PPM1B: variants seen among roughly 807,000 people sequenced by gnomAD.
The protein encoded by PPM1B is protein phosphatase, Mg2+/Mn2+ dependent 1B, also known as protein phosphatase 1B.
A neutral mutation model predicts 43.0 loss-of-function variants in PPM1B; 22 were observed. The observed-to-expected ratio is 0.51, with a 90% CI of 0.37 to 0.73. The LOEUF (loss-of-function observed/expected upper bound fraction) is 0.73. PPM1B is among the 30% of genes least tolerant of loss of function. PPM1B has a pLI of 0.00. For missense variants in PPM1B, 632 were observed against 584.2 expected, an observed-to-expected ratio of 1.08 and a Z score of -0.84; for synonymous variants, 217 against 197.9, an observed-to-expected ratio of 1.10 and a Z score of -0.81.
chr2:44,170,737 A>C (rs1157231284), intron 1 of PPM1B, among the ~76,000 whole-genome samples: 5 of 152,248 alleles, frequency 3.3e-5, no homozygotes, highest in Non-Finnish European at 7.3e-5. Flanking sequence ...TCTAATTATT[A>C]TGATAGTCTT....
At chr2:44,171,541 C>A (rs1667344489) in intron 1 of PPM1B, among the ~76,000 whole-genome samples, 1 of 152,106 alleles carries the variant, frequency 6.6e-6, no homozygotes, top group Admixed American at 6.6e-5. Flanking sequence ...TAAAAAGAGG[C>A]TATATAGGCC....
intron 1 of PPM1B, among the ~76,000 whole-genome samples, chr2:44,190,243 C>T (rs1668346297): frequency 6.6e-6 from 1 of 151,254 alleles, no homozygotes; most frequent in African/African-American, 2.4e-5. Flanking sequence ...GCAACCTCTG[C>T]CCCCAGGTTC....
intron 5 of PPM1B, among the ~76,000 whole-genome samples, chr2:44,242,149 C>T (rs1000640446): frequency 2.6e-5 from 4 of 152,028 alleles, no homozygotes; most frequent in Non-Finnish European, 4.4e-5. Context: ...TGAGCCACCA[C>T]GCCTGGCCAG....
chr2:44,182,670 T>C (rs376190738), intron 1 of PPM1B, among the ~76,000 whole-genome samples: 3 of 152,180 alleles, frequency 2.0e-5, no homozygotes, highest in African/African-American at 7.2e-5. Flanking sequence ...TTTGAAATAA[T>C]AGGTTACAGG....
At chr2:44,171,887 T>G (rs1479230701) in intron 1 of PPM1B, among the ~76,000 whole-genome samples, 1 of 151,990 alleles carries the variant, frequency 6.6e-6, no homozygotes, top group East Asian at 1.9e-4. Flanking sequence ...ATGTAACTAT[T>G]TTAAAGTATT....
At chr2:44,200,993 G>A (rs911006602) in intron 1 of PPM1B, among the ~76,000 whole-genome samples, 193 bp from the exon 2 acceptor site, 8 of 152,040 alleles carry the variant, frequency 5.3e-5, no homozygotes, top group African/African-American at 1.2e-4. Flanking sequence ...TTATTCTTAC[G>A]CGCTAGGGCT....
At chr2:44,194,969 G>A (rs966490990) in intron 1 of PPM1B, among the ~76,000 whole-genome samples, 1 of 143,194 alleles carries the variant, frequency 7.0e-6, no homozygotes, top group East Asian at 2.1e-4. Flanking sequence ...CGCAATCACT[G>A]CAGCCTCCAC....
intron 2 of PPM1B, among the ~76,000 whole-genome samples, chr2:44,208,400 T>C (rs1572725319): frequency 6.6e-6 from 1 of 152,180 alleles, no homozygotes; most frequent in African/African-American, 2.4e-5. Context: ...TACTGTGCCC[T>C]CTGAATAGTT....
downstream of PPM1B, chr2:44,232,777 C>T: frequency 1.0e-6 from 1 of 986,616 alleles, no homozygotes; most frequent in Non-Finnish European, 1.2e-6. Context: ...TTCAGTTCAC[C>T]AAGTTGGAAG....
downstream of PPM1B, chr2:44,244,544 T>A (rs1439267542): frequency 1.9e-5 from 5 of 262,220 alleles, no homozygotes; most frequent in Non-Finnish European, 2.4e-5. Flanking sequence ...ACTCTTATGG[T>A]TAAAGGCAGG....
intron 2 of PPM1B, among the ~76,000 whole-genome samples, chr2:44,207,893 T>C (rs1355244892): frequency 6.7e-6 from 1 of 148,526 alleles, no homozygotes; most frequent in Admixed American, 6.7e-5. Context: ...TTATGCTTTT[T>C]TTTTTTTTTT....
At position 44,209,346 on chromosome 2, in the gene PPM1B, A is replaced by G; in HGVS notation, c.964+19A>G. ...GTTGAAGGTAAGACAAATGCTTTTT[A>G]AAAATATAGACAGGCCAGGCACGGT... is the stretch of plus-strand genomic sequence containing the variant. On this transcript the variant is annotated intron_variant, in intron 3 of 5. Coordinates refer to ENST00000282412, the MANE Select transcript of PPM1B (RefSeq NM_002706.6). 1.9e-6 allele frequency: 3 copies of G among 1,613,276 alleles called. No individual in the cohort carries two copies. The highest frequency in any genetic ancestry group is 1.7e-6 in the Non-Finnish European group (2 of 1,179,594).
chr2:44,220,574 G>C (rs1285910141), intron 5 of PPM1B, among the ~76,000 whole-genome samples: 2 of 152,216 alleles, frequency 1.3e-5, no homozygotes, highest in African/African-American at 2.4e-5. Context: ...AACACTGACA[G>C]TGTGTTGTAT....
chr2:44,198,863 G>T (rs1459258984), intron 1 of PPM1B, among the ~76,000 whole-genome samples: 2 of 152,098 alleles, frequency 1.3e-5, no homozygotes, highest in Non-Finnish European at 2.9e-5. Context: ...AATTACTAGG[G>T]AATAAAGGGA....
chr2:44,197,844 A>G (rs961683868), intron 1 of PPM1B, among the ~76,000 whole-genome samples: 2 of 152,222 alleles, frequency 1.3e-5, no homozygotes, highest in Admixed American at 1.3e-4. Context: ...AGTGTATATC[A>G]GTATCTTAGT....
At chr2:44,205,098 G>C (rs537931427) in intron 2 of PPM1B, among the ~76,000 whole-genome samples, 1 of 152,230 alleles carries the variant, frequency 6.6e-6, no homozygotes, top group South Asian at 2.1e-4. Flanking sequence ...CACGTGCATA[G>C]CTTTTCATAA....
chr2:44,172,166 C>A (rs1667378278), intron 1 of PPM1B, among the ~76,000 whole-genome samples: 2 of 151,994 alleles, frequency 1.3e-5, no homozygotes, highest in Non-Finnish European at 2.9e-5. Context: ...GTATGATATT[C>A]CTGAATTTTC....
At chr2:44,194,687 C>T (rs1447274207) in intron 1 of PPM1B, among the ~76,000 whole-genome samples, 3 of 151,456 alleles carry the variant, frequency 2.0e-5, no homozygotes, top group South Asian at 2.1e-4. Flanking sequence ...CGCGCTACTG[C>T]ACTCCAGCCT....
intron 5 of PPM1B, chr2:44,230,007 A>C: frequency 6.3e-7 from 1 of 1,590,864 alleles, no homozygotes; most frequent in Non-Finnish European, 8.6e-7. Context: ...AATGATGAAG[A>C]AACTGTTCTG....
Sources: gnomAD v4.1 joint callset for allele counts (sites outside exome capture counted in the v4.1 genomes callset) on GRCh38, gnomAD v4.1.1 for gene constraint, MANE v1.5 for transcripts, NCBI Gene and HGNC (gene_info 2026-07-23, HGNC 2026-07-21) for gene names.